RBAK: variants seen among roughly 807,000 people sequenced by gnomAD.
The protein encoded by RBAK is RB associated KRAB zinc finger.
Under a neutral mutation model 65.8 loss-of-function variants are expected in RBAK, and 39 were observed. The ratio of observed to expected loss-of-function variants is 0.59; its 90% CI spans 0.46 to 0.77. RBAK has a LOEUF of 0.77. Ranked by LOEUF, RBAK falls within the 30% of genes least tolerant of loss-of-function variation. The pLI is 0.00. For missense variants in RBAK, 884 were observed against 855.1 expected, an observed-to-expected ratio of 1.03 and a Z score of -0.42; for synonymous variants, 343 against 289.7, an observed-to-expected ratio of 1.18 and a Z score of -1.87.
In RBAK at chr7:5,057,755, G is replaced by A. The variant is rs139323283; in HGVS notation, c.214G>A (p.Glu72Lys). Residue 72 changes from glutamate to lysine, a missense_variant, in exon 4 of 5, where the codon GAA (glutamate) becomes AAA (lysine). Glu to Lys is a moderately conservative substitution (Grantham distance 56). Coordinates refer to ENST00000396912, the MANE Select transcript of RBAK (RefSeq NM_021163.4). ...AGAGGAGCCGTGGATAATGGGAGGT[G>A]AATTTCCATGTCAACATAGTCCAGG... ...QGEEPWIMGG[E>K]FPCQHSPEAW... 3 of 1,613,840 alleles carry A rather than the reference G, an allele frequency of 1.9e-6. No homozygotes were observed. The highest frequency in any genetic ancestry group is 1.1e-5 in the South Asian group (1 of 91,070).
At chr7:5,061,573 G>T (rs1156834494) in intron 4 of RBAK, among the ~76,000 whole-genome samples, 3 of 150,270 alleles carry the variant, frequency 2.0e-5, no homozygotes, top group South Asian at 4.2e-4. Context: ...TTACAGGCAT[G>T]AGCCACCATG....
Position 5,067,264 on chromosome 7 carries a change from A to G in RBAK, c.*1663A>G, listed in dbSNP as rs888601970. On this transcript the variant is annotated 3_prime_UTR_variant, in exon 5 of 5. Transcript: ENST00000396912. ...AAGAAGTAAAACTTTAAAAACGAAA[A>G]AGAATATAAATCTCTATTTGCAGAT... The G allele has an allele frequency of 2.6e-5, 4 of 152,194 alleles. No individual in the cohort carries two copies. The highest frequency in any genetic ancestry group is 5.9e-5 in the Non-Finnish European group (4 of 68,010). 9.4% of individuals were successfully genotyped at this position (152,194 alleles called of 1,614,324 possible).
intron 4 of RBAK, among the ~76,000 whole-genome samples, chr7:5,058,431 T>C (rs368729061): frequency 3.3e-5 from 5 of 152,324 alleles, no homozygotes; most frequent in Admixed American, 6.5e-5. Context: ...CTTGAGACTT[T>C]TATGTTCATT....
rs1364180706 is a variant in RBAK, at chr7:5,048,125, C to G, written c.15+34C>G. 1.1e-5 allele frequency: 17 copies of G among 1,572,352 alleles called. No individual in the cohort carries two copies. The highest frequency in any genetic ancestry group is 1.4e-5 in the Non-Finnish European group (16 of 1,162,492). ...TCATGCTTGTGTATATGTTCCTCAA[C>G]TTTATTTTATGATGCATTTTAAGAG... On this transcript the variant is annotated intron_variant, in intron 2 of 4. Transcript: ENST00000396912. The surrounding 1 kb of genome is among the most constrained non-coding windows in gnomAD (Gnocchi z 4.4).
intron 4 of RBAK, among the ~76,000 whole-genome samples, chr7:5,063,315 G>C (rs145142224): frequency 2.6e-5 from 4 of 152,226 alleles, no homozygotes; most frequent in African/African-American, 9.6e-5. Flanking sequence ...ATCTTTGCCT[G>C]GATCTGACGT....
In RBAK at chr7:5,046,185, G is replaced by A; in HGVS notation, c.-256G>A. On this transcript the variant is annotated 5_prime_UTR_variant, in exon 1 of 5. Coordinates refer to ENST00000396912, the MANE Select transcript of RBAK (RefSeq NM_021163.4). ...TCCTGGCGGCCTGGCCCAGGCTGCC[G>A]CTGTACGGTGAGCCCGAGGGAGGCG... The A allele has an allele frequency of 2.2e-6, 1 of 463,636 alleles. No individual in the cohort carries two copies. The allele number at this position is 463,636 out of a possible 1,614,324, so 28.7% of individuals were successfully genotyped here. A position where few individuals can be genotyped will look rare whatever the true frequency, so the allele number is the denominator to read the frequency against.
intron 2 of RBAK, among the ~76,000 whole-genome samples, chr7:5,050,857 C>G (rs1006399895): frequency 2.0e-4 from 30 of 152,314 alleles, no homozygotes; most frequent in African/African-American, 7.2e-4. Context: ...AGGCATGAGT[C>G]ACCACAGCTG....
In RBAK at chr7:5,067,581, G is replaced by T. The variant is rs1779250661; in HGVS notation, c.*1980G>T. ...CAAGTTCTTTAATGTAAATTAACAA[G>T]CTAATTCTAGAATTCATATGCATAT... On this transcript the variant is annotated 3_prime_UTR_variant, in exon 5 of 5. Coordinates refer to ENST00000396912, the MANE Select transcript of RBAK (RefSeq NM_021163.4). 6.6e-6 allele frequency: 1 copy of T among 152,194 alleles called. No individual in the cohort carries two copies. The highest frequency in any genetic ancestry group is 6.5e-5 in the Admixed American group (1 of 15,276). The allele number at this position is 152,194 out of a possible 1,614,324, so 9.4% of individuals were successfully genotyped here.
chr7:5,049,160 C>G (rs62444316), intron 2 of RBAK, among the ~76,000 whole-genome samples: 1 of 152,098 alleles, frequency 6.6e-6, no homozygotes, highest in Non-Finnish European at 1.5e-5. Context: ...GATATAATTG[C>G]GGATAGCTTT....
chr7:5,050,094 C>G (rs945579833), intron 2 of RBAK, among the ~76,000 whole-genome samples: 7 of 152,188 alleles, frequency 4.6e-5, no homozygotes, highest in African/African-American at 1.4e-4. Flanking sequence ...ACTTTGGCCT[C>G]CCAAAGTGCT....
Position 5,065,367 on chromosome 7 carries a change from C to G in RBAK, c.1911C>G (p.Asn637Lys). Residue 637 changes from asparagine (N) to lysine (K), a missense_variant, in exon 5 of 5, where the codon AAC becomes AAG. Physicochemically the swap from Asn to Lys is moderately conservative, Grantham distance 94 (BLOSUM62 0). Transcript: ENST00000396912. The surrounding 1 kb of genome is among the most constrained non-coding windows in gnomAD (Gnocchi z 5.3). ...KCGKVFSRMSNLTVHYRSHSG... is the reference protein window; with the variant it reads ...KCGKVFSRMSKLTVHYRSHSG... ...GAAAAGTCTTCTCTCGGATGTCAAA[C>G]CTCACTGTCCACTACAGAAGCCATT... 1.2e-6 allele frequency: 2 copies of G among 1,613,264 alleles called. No individual in the cohort carries two copies. The highest frequency in any genetic ancestry group is 1.3e-5 in the African/African-American group (1 of 74,930).
At position 5,064,547 on chromosome 7, in the gene RBAK, A is replaced by T; in HGVS notation, c.1091A>T (p.Gln364Leu). Residue 364 changes from glutamine (Q) to leucine (L), a missense_variant, in exon 5 of 5, where the codon CAG becomes CTG. Physicochemically the swap from Gln to Leu is moderately radical, Grantham distance 113 (BLOSUM62 -2). Transcript: ENST00000396912. The surrounding 1 kb of genome is among the most constrained non-coding windows in gnomAD (Gnocchi z 6.3). Reference sequence around the variant, plus strand: ...CAAAAGACACATCTCACCCTGCACCAGAGGAATCATTCAGGAGAGAGGCCC... The same window carrying T: ...CAAAAGACACATCTCACCCTGCACCTGAGGAATCATTCAGGAGAGAGGCCC... ...FCQKTHLTLH[Q>L]RNHSGERPYP... 1 of 1,614,006 alleles carries T rather than the reference A, an allele frequency of 6.2e-7. No homozygotes were observed. Among genetic ancestry groups the T allele is most frequent in the Non-Finnish European group, 8.5e-7 (1 of 1,179,904 alleles).
rs906280452 is a variant in RBAK, at chr7:5,064,002, A to C, written c.546A>C (p.Gln182His). 5.0e-6 allele frequency: 8 copies of C among 1,613,868 alleles called. No individual in the cohort carries two copies. The African/African-American group carries it at 1.1e-4, about 22-fold the overall frequency. Residue 182 changes from glutamine to histidine, a missense_variant, in exon 5 of 5, where the codon CAA becomes CAC. Coordinates refer to ENST00000396912, the MANE Select transcript of RBAK (RefSeq NM_021163.4). The surrounding 1 kb of genome is among the most constrained non-coding windows in gnomAD (Gnocchi z 6.3). ...GAGAGAAAATGTGTGAATTTAATCA[A>C]AATGGGGATACCTATTCTCACAATG... ...YHGEKMCEFN[Q>H]NGDTYSHNEE...
chr7:5,065,745 A>T lies in RBAK; in HGVS notation c.*144A>T, dbSNP rs1779203014. On this transcript the variant is annotated 3_prime_UTR_variant, in exon 5 of 5. Coordinates refer to ENST00000396912, the MANE Select transcript of RBAK (RefSeq NM_021163.4). This position sits in a 1 kb window ranked among gnomAD's most constrained non-coding sequence, Gnocchi z 5.3. ...TAGAGTCATTTTAATCCAAATTTTCACAGAGAAGAATCCCGAAGAATGTAA... is the reference window on the plus strand; with the variant it reads ...TAGAGTCATTTTAATCCAAATTTTCTCAGAGAAGAATCCCGAAGAATGTAA... 9.3e-6 allele frequency: 5 copies of T among 535,538 alleles called. No individual in the cohort carries two copies. The highest frequency in any genetic ancestry group is 1.2e-5 in the Non-Finnish European group (4 of 333,550). 33.2% of individuals were successfully genotyped at this position (535,538 alleles called of 1,614,324 possible).
chr7:5,047,601 CTTTTT>C (rs1037439035), intron 1 of RBAK, among the ~76,000 whole-genome samples: 10 of 100,908 alleles, frequency 9.9e-5, no homozygotes, highest in East Asian at 2.7e-4. Context: ...TTTTCACTCT[CTTTTT>C]TTTTTTTTTT....
chr7:5,051,380 G>A (rs1413233160), intron 2 of RBAK, among the ~76,000 whole-genome samples: 1 of 151,966 alleles, frequency 6.6e-6, no homozygotes, highest in African/African-American at 2.4e-5. Flanking sequence ...GTTTGAGAGT[G>A]GGTATGATTT....
chr7:5,058,887 T>C (rs1779002400), intron 4 of RBAK, among the ~76,000 whole-genome samples: 1 of 152,242 alleles, frequency 6.6e-6, no homozygotes, highest in South Asian at 2.1e-4. Flanking sequence ...TTTTTTCCTG[T>C]GTATTTTTGC....
At position 5,046,178 on chromosome 7, in the gene RBAK, G is replaced by T; in HGVS notation, c.-263G>T. On this transcript the variant is annotated 5_prime_UTR_variant, in exon 1 of 5. It adds an upstream start codon to the 5' untranslated region. Coordinates refer to ENST00000396912, the MANE Select transcript of RBAK (RefSeq NM_021163.4). The stretch of plus-strand genomic sequence containing the variant: ...GTGTGTGTCCTGGCGGCCTGGCCCA[G>T]GCTGCCGCTGTACGGTGAGCCCGAG... 1 of 450,994 alleles carries T rather than the reference G, an allele frequency of 2.2e-6. No individual in the cohort carries two copies. The highest frequency in any genetic ancestry group is 2.4e-5 in the Admixed American group (1 of 41,650). The allele number at this position is 450,994 out of a possible 1,614,324, so 27.9% of individuals were successfully genotyped here.
At chr7:5,051,774 G>C (rs1204962546) in intron 2 of RBAK, among the ~76,000 whole-genome samples, 1 of 152,110 alleles carries the variant, frequency 6.6e-6, no homozygotes, top group Non-Finnish European at 1.5e-5. Context: ...TTTTTGTCTG[G>C]AACACTACAT....
Sources: allele counts gnomAD v4.1 joint callset (sites outside exome capture counted in the v4.1 genomes callset), GRCh38; gene constraint gnomAD v4.1.1; non-coding constraint Gnocchi (gnomAD v3.1); transcripts MANE v1.5; gene names NCBI Gene and HGNC (gene_info 2026-07-23, HGNC 2026-07-21).